The following ENTREP2 variants were observed in gnomAD, a reference collection of about 807,000 sequenced individuals.
ENTREP2 encodes protein ENTREP2.
the ENTREP2 span, among the ~76,000 whole-genome samples, chr15:29,279,589 T>C: frequency 6.6e-6 from 1 of 152,100 alleles, no homozygotes. Context: ...GGTCTTGATC[T>C]CTTGACCTCG....
chr15:29,616,954 G>A, the ENTREP2 span, among the ~76,000 whole-genome samples: 13 of 152,140 alleles, frequency 8.5e-5, no homozygotes, highest in Non-Finnish European at 1.6e-4. Context: ...CAGCTACTCC[G>A]GAGGCTGAGG....
chr15:29,155,737 TA>T, the ENTREP2 span, among the ~76,000 whole-genome samples: 2 of 152,176 alleles, frequency 1.3e-5, no homozygotes, highest in African/African-American at 4.8e-5. Context: ...GGGGCAATCG[TA>T]GGGCTCACCT....
chr15:29,175,200 G>A, the ENTREP2 span, among the ~76,000 whole-genome samples: 4 of 152,118 alleles, frequency 2.6e-5, no homozygotes, highest in Non-Finnish European at 5.9e-5. Context: ...CAATCTGCAT[G>A]ACCTTGGGGA....
the ENTREP2 span, among the ~76,000 whole-genome samples, chr15:29,338,471 C>T: frequency 6.6e-6 from 1 of 151,584 alleles, no homozygotes; most frequent in African/African-American, 2.4e-5. Context: ...CAGGCAGGCA[C>T]AGATGGCCAC....
chr15:29,171,552 A>G, the ENTREP2 span, among the ~76,000 whole-genome samples: 2 of 151,250 alleles, frequency 1.3e-5, no homozygotes, highest in Admixed American at 1.3e-4. Flanking sequence ...CAAGTAAGGT[A>G]TTTTTTTTTA....
the ENTREP2 span, among the ~76,000 whole-genome samples, chr15:29,624,333 GCACA>G: frequency 8.3e-4 from 126 of 151,112 alleles, 1 homozygote; most frequent in Middle Eastern, 6.9e-3. Flanking sequence ...ATGCACGTGC[GCACA>G]CACACACACA....
the ENTREP2 span, among the ~76,000 whole-genome samples, chr15:29,209,749 T>C: frequency 6.6e-6 from 1 of 152,054 alleles, no homozygotes; most frequent in African/African-American, 2.4e-5. Context: ...AGCCTGAGCA[T>C]CTCCCTCTGC....
At chr15:29,551,693 T>TA in the ENTREP2 span, among the ~76,000 whole-genome samples, 4,248 of 144,212 alleles carry the variant, frequency 0.029, 76 homozygotes, top group Non-Finnish European at 0.043. Context: ...AATGCCTATT[T>TA]AAAAAAAAAA....
chr15:29,470,589 G>A, the ENTREP2 span, among the ~76,000 whole-genome samples: 14 of 152,250 alleles, frequency 9.2e-5, no homozygotes, highest in South Asian at 8.3e-4. Context: ...GACGCACTTC[G>A]AAATCCTTCC....
chr15:29,129,969 G>A, the ENTREP2 span, among the ~76,000 whole-genome samples: 9 of 152,154 alleles, frequency 5.9e-5, no homozygotes, highest in Admixed American at 3.3e-4. Flanking sequence ...AAGGTGAGGG[G>A]GGCTCCTGCG....
chr15:29,372,716 C>T, the ENTREP2 span, among the ~76,000 whole-genome samples: 1 of 152,078 alleles, frequency 6.6e-6, no homozygotes, highest in Non-Finnish European at 1.5e-5. Flanking sequence ...GAAAATAAGT[C>T]ATTTGACTTA....
chr15:29,302,189 C>T, the ENTREP2 span, among the ~76,000 whole-genome samples: 219 of 152,096 alleles, frequency 1.4e-3, no homozygotes, highest in African/African-American at 5.0e-3. Context: ...GCTTCTCTTC[C>T]AATAAGACCA....
At chr15:29,441,863 C>A in the ENTREP2 span, among the ~76,000 whole-genome samples, 33 of 152,262 alleles carry the variant, frequency 2.2e-4, no homozygotes, top group African/African-American at 6.7e-4. Flanking sequence ...CATAGCTCAC[C>A]GCCATCTCTG....
At chr15:29,489,749 C>T in the ENTREP2 span, among the ~76,000 whole-genome samples, 82 of 152,316 alleles carry the variant, frequency 5.4e-4, 1 homozygote, top group Middle Eastern at 3.4e-3. Context: ...GGTGAACACG[C>T]CCCTGCCTGA....
At chr15:29,123,542 A>G in the ENTREP2 span, 1 of 1,551,660 alleles carries the variant, frequency 6.4e-7, no homozygotes, top group South Asian at 1.2e-5. Context: ...CGCTCTTTGG[A>G]GGTCGCTGGG....
At chr15:29,131,616 GACAAGCCCC>G in the ENTREP2 span, among the ~76,000 whole-genome samples, 1 of 118 alleles carries the variant, frequency 8.5e-3, no homozygotes, top group Non-Finnish European at 0.02. Flanking sequence ...ACCCCAGCCC[GACAAGCCCC>G]CCCATATCAC....
the ENTREP2 span, among the ~76,000 whole-genome samples, chr15:29,643,796 A>G: frequency 6.5e-5 from 8 of 123,770 alleles, no homozygotes; most frequent in Non-Finnish European, 1.1e-4. Context: ...AAAAAAAAAA[A>G]AAGAAAGAAA....
chr15:29,463,595 G>T, the ENTREP2 span, among the ~76,000 whole-genome samples: 133 of 152,224 alleles, frequency 8.7e-4, no homozygotes, highest in African/African-American at 3.0e-3. Context: ...GCAAGTTTTT[G>T]ATTTTTTTTT....
At chr15:29,190,419 C>T in the ENTREP2 span, among the ~76,000 whole-genome samples, 1 of 151,702 alleles carries the variant, frequency 6.6e-6, no homozygotes, top group East Asian at 1.9e-4. Flanking sequence ...AACAGAGATC[C>T]AGGGGTTTCG....
Sources: gnomAD v4.1 joint callset for allele counts (sites outside exome capture counted in the v4.1 genomes callset) on GRCh38, gnomAD v4.1.1 for gene constraint, MANE v1.5 for transcripts, NCBI Gene and HGNC (gene_info 2026-07-23, HGNC 2026-07-21) for gene names.